CD6: variants seen among roughly 807,000 people sequenced by gnomAD.
CD6 encodes the protein T-cell differentiation antigen CD6.
CD6 carries 53 observed loss-of-function variants against 75.3 expected under a neutral mutation model. The observed-to-expected ratio is 0.70, with a 90% confidence interval of 0.56 to 0.88. The LOEUF is 0.88. CD6 is among the 40% of genes least tolerant of loss of function. The pLI is 0.00. For synonymous variants in CD6, 359 were observed against 381.5 expected, an observed-to-expected ratio of 0.94 and a Z score of 0.69; for missense variants, 770 against 897.1, an observed-to-expected ratio of 0.86 and a Z score of 1.81.
chr11:61,012,357 G>A (rs1444223733), intron 6 of CD6, among the ~76,000 whole-genome samples: 1 of 152,128 alleles, frequency 6.6e-6, no homozygotes, highest in Non-Finnish European at 1.5e-5. Context: ...CCTCGGCCAC[G>A]GCCCTCTGTA....
At chr11:61,011,212 C>A in intron 6 of CD6, 77 bp downstream of exon 6, 2 of 505,596 alleles carry the variant, frequency 4.0e-6, no homozygotes, top group Non-Finnish European at 5.5e-6. Flanking sequence ...TGTTCCTGTG[C>A]ACACCTGTGT....
Position 61,020,350 on chromosome 11 carries a change from T to C in CD6, c.*1032T>C. On this transcript the variant is annotated 3_prime_UTR_variant, in exon 13 of 13. Coordinates refer to ENST00000313421, the MANE Select transcript of CD6 (RefSeq NM_006725.5). ...CTTTGTTGTCCTGCTCTGAGTATCC[T>C]GAGATTAAACTGAATTGCTGAATGA... is the stretch of plus-strand genomic sequence containing the variant. The C allele has an allele frequency of 2.5e-6, 1 of 398,994 alleles. No individual in the cohort carries two copies. The highest frequency in any genetic ancestry group is 4.4e-6 in the Non-Finnish European group (1 of 226,076). 24.7% of individuals were successfully genotyped at this position (398,994 alleles called of 1,614,324 possible).
intron 5 of CD6, 44 bp downstream of exon 5, chr11:61,009,918 TA>T: frequency 6.6e-7 from 1 of 1,507,706 alleles, no homozygotes; most frequent in Non-Finnish European, 8.9e-7. Flanking sequence ...GCCAGAATTC[TA>T]CCTGAATCCA....
intron 1 of CD6, among the ~76,000 whole-genome samples, chr11:60,978,689 GC>G (rs1465427566): frequency 1.3e-5 from 2 of 152,198 alleles, no homozygotes; most frequent in African/African-American, 4.8e-5. Flanking sequence ...TAGACACTTA[GC>G]CCTAGGAAGG....
intron 1 of CD6, among the ~76,000 whole-genome samples, chr11:61,001,825 G>C (rs1383923209): frequency 6.6e-6 from 1 of 152,182 alleles, no homozygotes; most frequent in Non-Finnish European, 1.5e-5. Flanking sequence ...CAAATGATGA[G>C]GAATTTCAAG....
intron 1 of CD6, among the ~76,000 whole-genome samples, chr11:60,990,000 T>A (rs1023287066): frequency 3.9e-5 from 6 of 152,336 alleles, no homozygotes; most frequent in Non-Finnish European, 5.9e-5. Context: ...GCTTTTATTT[T>A]AAAATTTTTT....
At chr11:60,991,034 A>G (rs1357131030) in intron 1 of CD6, among the ~76,000 whole-genome samples, 1 of 151,892 alleles carries the variant, frequency 6.6e-6, no homozygotes, top group African/African-American at 2.4e-5. Flanking sequence ...AATTTTTTCT[A>G]TAATTTATAC....
At chr11:61,017,293 G>A (rs564032201) in intron 9 of CD6, 186 bp from the exon 10 acceptor site, 34 of 605,240 alleles carry the variant, frequency 5.6e-5, no homozygotes, top group Admixed American at 2.7e-4. Flanking sequence ...AGATTAAGGC[G>A]AAGGCTCTGC....
intron 1 of CD6, chr11:60,982,554 A>G (rs1456144311): frequency 1.1e-5 from 5 of 455,636 alleles, no homozygotes; most frequent in Non-Finnish European, 2.2e-5. Context: ...CCAGGCCTGG[A>G]GGAGGCCCGT....
chr11:61,002,877 T>C (rs966617075), intron 1 of CD6, among the ~76,000 whole-genome samples: 1 of 152,184 alleles, frequency 6.6e-6, no homozygotes, highest in African/African-American at 2.4e-5. Flanking sequence ...ACAAAACCAC[T>C]TCTGCAATAA....
intron 1 of CD6, among the ~76,000 whole-genome samples, chr11:60,979,277 A>T (rs1296371024): frequency 6.6e-6 from 1 of 151,920 alleles, no homozygotes; most frequent in Non-Finnish European, 1.5e-5. Context: ...GGTCCTAGGG[A>T]CCCTGGAAGT....
intron 1 of CD6, chr11:60,988,162 C>T (rs117138521): frequency 1.3e-5 from 2 of 152,348 alleles, no homozygotes; most frequent in East Asian, 1.9e-4. Flanking sequence ...TTTCATGCTG[C>T]GGAGCCTCAG....
At chr11:60,978,619 T>C (rs894357981) in intron 1 of CD6, among the ~76,000 whole-genome samples, 1 of 152,190 alleles carries the variant, frequency 6.6e-6, no homozygotes, top group African/African-American at 2.4e-5. Context: ...TGTATGTTCC[T>C]TGAGGCTTTA....
chr11:61,008,495 TC>T, intron 3 of CD6, 38 bp from the exon 4 acceptor site: 1 of 1,509,114 alleles, frequency 6.6e-7, no homozygotes, highest in Non-Finnish European at 8.9e-7. Context: ...CCCTTCCTGG[TC>T]GGGTGCCCCA....
chr11:60,980,380 G>A (rs989363195), intron 1 of CD6, among the ~76,000 whole-genome samples: 1 of 152,156 alleles, frequency 6.6e-6, no homozygotes, highest in South Asian at 2.1e-4. Flanking sequence ...ATTCATGCCT[G>A]TAGTCCCAGC....
intron 1 of CD6, among the ~76,000 whole-genome samples, chr11:60,992,680 T>C (rs928075500): frequency 6.6e-6 from 1 of 151,636 alleles, no homozygotes; most frequent in Non-Finnish European, 1.5e-5. Flanking sequence ...ATACAAAAAT[T>C]AGCCGAGCAT....
chr11:61,009,784 G>A lies in CD6; in HGVS notation c.994G>A (p.Gly332Arg). The change falls in exon 5 of 13, where the codon GGG (glycine) becomes AGG (arginine). Residue 332 changes from glycine (G) to arginine (R), a missense_variant. By Grantham distance (125) the Gly-to-Arg change is moderately radical. Transcript: ENST00000313421. ...CGGCAGGATGTACTACTCATGCAATGGGGAGGAGCTCACCCTCTCCAACTG... is the reference window on the plus strand; with the variant it reads ...CGGCAGGATGTACTACTCATGCAATAGGGAGGAGCTCACCCTCTCCAACTG... ...LSGRMYYSCN[G>R]EELTLSNCSW... is the part of the protein sequence containing the mutation. 1 of 1,612,602 alleles carries A rather than the reference G, an allele frequency of 6.2e-7. No individual in the cohort carries two copies. Among genetic ancestry groups the A allele is most frequent in the Non-Finnish European group, 8.5e-7 (1 of 1,179,322 alleles).
At position 61,007,122 on chromosome 11, in the gene CD6, A is replaced by G. The variant is rs891183547; in HGVS notation, c.119-438A>G. Reference sequence around the variant, plus strand: ...TGGCCAGCCGCTTCACAATCCTCCAAGGTTCCCTAGTCACTGTGACAGCCT... The same window carrying G: ...TGGCCAGCCGCTTCACAATCCTCCAGGGTTCCCTAGTCACTGTGACAGCCT... On this transcript the variant is annotated intron_variant, in intron 2 of 12. Transcript: ENST00000313421. This position sits in a 1 kb window ranked among gnomAD's most constrained non-coding sequence, Gnocchi z 4.2. Among the ~76,000 whole-genome samples, 1 of 152,100 alleles carries G rather than the reference A, an allele frequency of 6.6e-6. No homozygotes were observed. The highest frequency in any genetic ancestry group is 2.4e-5 in the African/African-American group (1 of 41,410).
intron 1 of CD6, among the ~76,000 whole-genome samples, chr11:61,002,347 G>A (rs111256489): frequency 0.16 from 24,472 of 152,100 alleles, 2,284 homozygotes; most frequent in African/African-American, 0.26. Flanking sequence ...GAGGTCAGGT[G>A]TTCAAGACCC....
Sources: allele counts gnomAD v4.1 joint callset (sites outside exome capture counted in the v4.1 genomes callset), GRCh38; gene constraint gnomAD v4.1.1; non-coding constraint Gnocchi (gnomAD v3.1); transcripts MANE v1.5; gene names NCBI Gene and HGNC (gene_info 2026-07-23, HGNC 2026-07-21).